The following SULT4A1 variants were observed in gnomAD, a reference collection of about 807,000 sequenced individuals.
The protein encoded by SULT4A1 is sulfotransferase family 4A member 1, also known as sulfotransferase 4A1.
A neutral mutation model predicts 35.2 loss-of-function variants in SULT4A1; 11 were observed. That is an observed-to-expected ratio of 0.31 (90% CI 0.20 to 0.52). The LOEUF is 0.52. SULT4A1 is among the 20% of genes least tolerant of loss of function. The probability of loss-of-function intolerance (pLI) is 0.97; values close to 1 mark genes in which losing one functional copy is unlikely to be tolerated. For synonymous variants in SULT4A1, 152 were observed against 151.8 expected (o/e 1.00, Z -0.01); for missense variants, 271 against 383.7 (o/e 0.71, Z 2.45).
At chr22:43,826,904 A>T (rs749746177) in intron 6 of SULT4A1, 1 of 985,456 alleles carries the variant, frequency 1.0e-6, no homozygotes, top group Non-Finnish European at 1.2e-6. Context: ...CCTGGCAGCC[A>T]CAAGGGAGGG....
intron 2 of SULT4A1, among the ~76,000 whole-genome samples, chr22:43,840,977 C>G (rs1041056639): frequency 2.0e-5 from 3 of 152,346 alleles, no homozygotes; most frequent in Admixed American, 6.5e-5. Flanking sequence ...CCCCTCCCAG[C>G]GCTGATCGCT....
chr22:43,847,875 G>C (rs2063486697), intron 1 of SULT4A1, among the ~76,000 whole-genome samples: 1 of 152,232 alleles, frequency 6.6e-6, no homozygotes. Flanking sequence ...TGCTGCTGGA[G>C]ATCACCCAAA....
chr22:43,836,218 T>G (rs982405987), intron 4 of SULT4A1, among the ~76,000 whole-genome samples: 3 of 130,638 alleles, frequency 2.3e-5, no homozygotes, highest in South Asian at 2.4e-4. Flanking sequence ...ACAGGGACCC[T>G]GTCCACACAG....
chr22:43,843,499 G>A (rs1443781062), intron 1 of SULT4A1, among the ~76,000 whole-genome samples: 1 of 152,232 alleles, frequency 6.6e-6, no homozygotes, highest in Non-Finnish European at 1.5e-5. Context: ...AGAAGGGGAG[G>A]AAGGAATGTC....
At chr22:43,839,519 G>C (rs547699905) in intron 3 of SULT4A1, among the ~76,000 whole-genome samples, 8 of 152,180 alleles carry the variant, frequency 5.3e-5, no homozygotes, top group Non-Finnish European at 1.0e-4. Flanking sequence ...GCTTGAACCA[G>C]GGAGGCAGAG....
Position 43,862,483 on chromosome 22 carries a change from C to CGGTGG in SULT4A1, c.-102_-101insCCACC. 1 of 952,154 alleles carries CGGTGG rather than the reference C, an allele frequency of 1.1e-6. No individual in the cohort carries two copies. 59.0% of individuals were successfully genotyped at this position (952,154 alleles called of 1,614,324 possible). ...CGCCCCGCACACGCTCGCGCCCCACCGGCGCGCGGCGGCAGCTCCGCAGGC... is the reference window on the plus strand; with the variant it reads ...CGCCCCGCACACGCTCGCGCCCCACCGGTGGGGCGCGCGGCGGCAGCTCCGCAGGC... On this transcript the variant is annotated 5_prime_UTR_variant, in exon 1 of 7. Transcript: ENST00000330884.
At chr22:43,857,373 A>C (rs1436994498) in intron 1 of SULT4A1, among the ~76,000 whole-genome samples, 3 of 7,926 alleles carry the variant, frequency 3.8e-4, no homozygotes, top group Middle Eastern at 0.038. Context: ...CCTGTCTCAA[A>C]AAAAAAAAAA....
chr22:43,848,435 G>T lies in SULT4A1; in HGVS notation c.170-6503C>A, dbSNP rs2063489978. On this transcript the variant is annotated intron_variant, in intron 1 of 6. Transcript: ENST00000330884. ...ACAGCACAGGACCGGACCCTCCTGGGACCTACCGATGAAGCCACACACCTG... is the reference window on the plus strand; with the variant it reads ...ACAGCACAGGACCGGACCCTCCTGGTACCTACCGATGAAGCCACACACCTG... Among the ~76,000 whole-genome samples, 3 of 152,330 alleles carry T rather than the reference G, an allele frequency of 2.0e-5. No individual in the cohort carries two copies. In the East Asian group the frequency reaches 5.8e-4, roughly 29 times the overall value.
intron 1 of SULT4A1, among the ~76,000 whole-genome samples, chr22:43,842,413 G>A (rs565644195): frequency 5.3e-5 from 8 of 152,316 alleles, no homozygotes; most frequent in East Asian, 3.9e-4. Context: ...GCCAGTGCTT[G>A]TCCACCAGTA....
chr22:43,854,987 C>T (rs1291296708), intron 1 of SULT4A1, among the ~76,000 whole-genome samples: 4 of 152,336 alleles, frequency 2.6e-5, no homozygotes, highest in Non-Finnish European at 2.9e-5. Flanking sequence ...CTCCAGACGA[C>T]GGGACACTGG....
chr22:43,829,650 G>A (rs1394077932), intron 5 of SULT4A1, among the ~76,000 whole-genome samples: 3 of 152,316 alleles, frequency 2.0e-5, no homozygotes, highest in South Asian at 2.1e-4. Flanking sequence ...CAGGGAGCCC[G>A]CTTCATCACA....
At chr22:43,839,048 TGCCCCGACACAGGCCA>T in intron 3 of SULT4A1, 55 bp from the exon 4 acceptor site, 1 of 1,603,410 alleles carries the variant, frequency 6.2e-7, no homozygotes, top group East Asian at 2.2e-5. Flanking sequence ...CAGGCAGGGC[TGCCCCGACACAGGCCA>T]GCCTCCCTGA....
At chr22:43,833,611 CG>C (rs200884726) in intron 5 of SULT4A1, 28 bp downstream of exon 5, 2 of 1,568,970 alleles carry the variant, frequency 1.3e-6, no homozygotes, top group South Asian at 2.3e-5. Context: ...CCAGGGCACC[CG>C]GAGGACAGCT....
intron 1 of SULT4A1, among the ~76,000 whole-genome samples, chr22:43,857,234 G>A (rs542547319): frequency 2.0e-5 from 3 of 151,968 alleles, no homozygotes; most frequent in Admixed American, 6.6e-5. Flanking sequence ...ACCCAAACTG[G>A]AACAAAAAGA....
chr22:43,852,417 A>G (rs2049351941), intron 1 of SULT4A1, among the ~76,000 whole-genome samples: 1 of 151,568 alleles, frequency 6.6e-6, no homozygotes, highest in Admixed American at 6.6e-5. Flanking sequence ...GGCTCAAGCA[A>G]TTCTCCTGCC....
At chr22:43,831,674 C>T (rs780341210) in intron 5 of SULT4A1, among the ~76,000 whole-genome samples, 5 of 152,270 alleles carry the variant, frequency 3.3e-5, no homozygotes, top group South Asian at 2.1e-4. Flanking sequence ...AGGAGCCTCG[C>T]CATCTGCGCA....
intron 2 of SULT4A1, 41 bp from the exon 3 acceptor site, chr22:43,840,066 T>G (rs1372389750): frequency 1.9e-4 from 278 of 1,445,538 alleles, no homozygotes; most frequent in South Asian, 5.2e-4. Flanking sequence ...GAGGAAAGGG[T>G]GAGACCAAGG....
At chr22:43,827,060 G>A in intron 6 of SULT4A1, 1 of 985,472 alleles carries the variant, frequency 1.0e-6, no homozygotes, top group African/African-American at 1.7e-5. Flanking sequence ...TAGTCCAATA[G>A]CAACGGTGAC....
intron 1 of SULT4A1, among the ~76,000 whole-genome samples, chr22:43,844,037 G>C (rs1327181812): frequency 6.6e-6 from 1 of 152,196 alleles, no homozygotes; most frequent in East Asian, 1.9e-4. Flanking sequence ...TGGACTGGGG[G>C]ACATCCAGCT....
Sources: gnomAD v4.1 joint callset for allele counts (sites outside exome capture counted in the v4.1 genomes callset) on GRCh38, gnomAD v4.1.1 for gene constraint, MANE v1.5 for transcripts, NCBI Gene and HGNC (gene_info 2026-07-23, HGNC 2026-07-21) for gene names.